The following GPM6A variants were observed in gnomAD, a reference collection of about 807,000 sequenced individuals.
GPM6A encodes glycoprotein M6A, also known as neuronal membrane glycoprotein M6-a.
GPM6A carries 7 observed loss-of-function variants against 32.1 expected under a neutral mutation model. The observed-to-expected ratio is 0.22, with a 90% CI of 0.12 to 0.41. The LOEUF (loss-of-function observed/expected upper bound fraction) is 0.41, where lower values mean the gene tolerates loss of function less well. GPM6A is among the 10% of genes least tolerant of loss of function. The pLI is 1.00. For missense variants in GPM6A, 235 were observed against 347.2 expected, an observed-to-expected ratio of 0.68 and a Z score of 2.57; for synonymous variants, 130 against 123.4, an observed-to-expected ratio of 1.05 and a Z score of -0.35.
intron 1 of GPM6A, among the ~76,000 whole-genome samples, chr4:175,927,351 T>C (rs1738876575): frequency 6.6e-6 from 1 of 152,268 alleles, no homozygotes; most frequent in Non-Finnish European, 1.5e-5. Context: ...GTTTTCACTA[T>C]AAACAGAAGT....
intron 1 of GPM6A, among the ~76,000 whole-genome samples, chr4:175,927,150 G>A (rs1028608567): frequency 6.6e-6 from 1 of 152,214 alleles, no homozygotes; most frequent in Non-Finnish European, 1.5e-5. Flanking sequence ...AAAAAGTTAA[G>A]TTTGGAGACC....
chr4:175,872,283 A>G (rs1341431094), intron 1 of GPM6A, among the ~76,000 whole-genome samples: 1 of 152,116 alleles, frequency 6.6e-6, no homozygotes, highest in Non-Finnish European at 1.5e-5. Context: ...CACCCTGAAC[A>G]CTTGTCTCCA....
At chr4:175,707,223 G>T (rs962768140) in intron 1 of GPM6A, among the ~76,000 whole-genome samples, 1 of 152,150 alleles carries the variant, frequency 6.6e-6, no homozygotes, top group African/African-American at 2.4e-5. Context: ...TTGCTCTATG[G>T]GCTTGCCCTG....
chr4:175,873,842 A>G (rs1172103554), intron 1 of GPM6A, among the ~76,000 whole-genome samples: 1 of 152,136 alleles, frequency 6.6e-6, no homozygotes, highest in African/African-American at 2.4e-5. Flanking sequence ...CAGTCATAAA[A>G]CTTTAGTGTG....
intron 1 of GPM6A, among the ~76,000 whole-genome samples, chr4:175,853,260 C>T (rs567845317): frequency 1.9e-4 from 29 of 152,086 alleles, no homozygotes; most frequent in African/African-American, 6.7e-4. Flanking sequence ...TTCAATTCAA[C>T]TCAAAAATAC....
chr4:175,774,903 AT>A (rs150438553), intron 1 of GPM6A, among the ~76,000 whole-genome samples: 3,064 of 152,174 alleles, frequency 0.02, 54 homozygotes, highest in Non-Finnish European at 0.031. Context: ...TTGTGTGTCC[AT>A]TCATTGTTTT....
intron 1 of GPM6A, among the ~76,000 whole-genome samples, chr4:175,726,655 T>A (rs75085742): frequency 0.042 from 6,361 of 152,246 alleles, 177 homozygotes; most frequent in Non-Finnish European, 0.062. Flanking sequence ...AGCATTATTA[T>A]AATTATAATG....
At chr4:175,848,662 G>C (rs1221712035) in intron 1 of GPM6A, among the ~76,000 whole-genome samples, 2 of 152,070 alleles carry the variant, frequency 1.3e-5, no homozygotes, top group Admixed American at 1.3e-4. Flanking sequence ...TCCTGTACAC[G>C]TAAAATGAGA....
upstream of GPM6A, among the ~76,000 whole-genome samples, chr4:175,815,718 CT>C (rs60711329): frequency 3.1e-5 from 4 of 127,114 alleles, no homozygotes; most frequent in Admixed American, 8.5e-5. Context: ...TTTTTCTTTT[CT>C]TTTTTTTTTT....
In GPM6A at chr4:175,673,834, A is replaced by G. The variant is rs1560866990; in HGVS notation, c.233T>C (p.Ile78Thr). The change falls in exon 3 of 7, where the codon ATT (isoleucine) becomes ACT (threonine). Residue 78 changes from isoleucine (I) to threonine (T), a missense_variant and splice_region_variant. This residue lies in a region of GPM6A where 101 missense variants were observed against 171.2 expected (regional missense o/e 0.59). Coordinates refer to ENST00000393658, the MANE Select transcript of GPM6A (RefSeq NM_201591.3). ...AGDTLDVFTM[I>T]DIFKYVIYGI... ...GTAGATCACATACTTAAAGATGTCA[A>G]TCCTGAGAGAAAAGACAAAGTGATT... The G allele has an allele frequency of 6.3e-7, 1 of 1,585,862 alleles. No homozygotes were observed. Among genetic ancestry groups the G allele is most frequent in the Non-Finnish European group, 8.6e-7 (1 of 1,159,270 alleles).
intron 1 of GPM6A, among the ~76,000 whole-genome samples, chr4:175,918,046 T>C (rs1579625891): frequency 6.6e-6 from 1 of 152,184 alleles, no homozygotes; most frequent in Non-Finnish European, 1.5e-5. Flanking sequence ...TTACCATAAT[T>C]CTTTTCCTAA....
At chr4:175,953,945 T>C (rs912669588) in intron 1 of GPM6A, among the ~76,000 whole-genome samples, 15 of 152,072 alleles carry the variant, frequency 9.9e-5, no homozygotes, top group African/African-American at 3.6e-4. Flanking sequence ...ACTATTAAAA[T>C]TGAGTTAGAA....
intron 1 of GPM6A, among the ~76,000 whole-genome samples, chr4:175,749,425 A>G (rs67117660): frequency 0.23 from 35,219 of 152,128 alleles, 4,452 homozygotes; most frequent in Non-Finnish European, 0.27. Context: ...GTTGCCACAA[A>G]CCTTCAATTT....
chr4:175,996,468 A>T (rs971341291), intron 1 of GPM6A, among the ~76,000 whole-genome samples: 2 of 152,222 alleles, frequency 1.3e-5, no homozygotes, highest in Non-Finnish European at 2.9e-5. Flanking sequence ...CAAAGGATTT[A>T]TGCTAATTGA....
At chr4:175,647,525 C>A (rs537251596) in intron 4 of GPM6A, among the ~76,000 whole-genome samples, 2 of 151,962 alleles carry the variant, frequency 1.3e-5, no homozygotes, top group African/African-American at 4.8e-5. Context: ...TAGAACTGTT[C>A]GAAATGCATA....
intron 1 of GPM6A, among the ~76,000 whole-genome samples, chr4:175,721,059 A>AATATATATAC (rs1746099853): frequency 7.0e-6 from 1 of 143,758 alleles, no homozygotes; most frequent in African/African-American, 2.5e-5. Flanking sequence ...TATATGTACT[A>AATATATATAC]GTATATATAT....
intron 1 of GPM6A, among the ~76,000 whole-genome samples, chr4:175,737,613 A>G (rs1325190590): frequency 2.0e-5 from 3 of 152,228 alleles, no homozygotes; most frequent in Non-Finnish European, 2.9e-5. Context: ...CAATAAGACA[A>G]TGAACAATAA....
chr4:175,858,837 G>T (rs749292988), intron 1 of GPM6A, among the ~76,000 whole-genome samples: 6 of 152,126 alleles, frequency 3.9e-5, no homozygotes, highest in African/African-American at 1.4e-4. Context: ...GTCTATGAAC[G>T]AGTGAACAAA....
intron 1 of GPM6A, among the ~76,000 whole-genome samples, chr4:175,752,273 C>A (rs1732365590): frequency 6.6e-6 from 1 of 152,074 alleles, no homozygotes; most frequent in African/African-American, 2.4e-5. Flanking sequence ...AATCCCTGTT[C>A]TTTGTGGAGC....
Sources: allele counts gnomAD v4.1 joint callset (sites outside exome capture counted in the v4.1 genomes callset), GRCh38; gene constraint gnomAD v4.1.1; regional missense constraint gnomAD v4.1.1; transcripts MANE v1.5; gene names NCBI Gene and HGNC (gene_info 2026-07-23, HGNC 2026-07-21).